B3GALT1: variants seen among roughly 807,000 people sequenced by gnomAD.
The protein encoded by B3GALT1 is UDP-Gal:betaGlcNAc beta 1,3-galactosyltransferase, polypeptide 1.
A neutral mutation model predicts 23.2 loss-of-function variants in B3GALT1; 10 were observed. The ratio of observed to expected loss-of-function variants is 0.43; its 90% CI spans 0.27 to 0.73. B3GALT1 has a LOEUF of 0.73. Among genes scored for constraint, B3GALT1 ranks in the 30% least tolerant of loss-of-function variants. B3GALT1 has a pLI of 0.21. For synonymous variants in B3GALT1, 156 were observed against 141.5 expected, an observed-to-expected ratio of 1.10 and a Z score of -0.73; for missense variants, 299 against 405.4, an observed-to-expected ratio of 0.74 and a Z score of 2.25.
intron 1 of B3GALT1, among the ~76,000 whole-genome samples, chr2:167,427,063 CATT>C (rs1295254610): frequency 2.0e-5 from 3 of 152,118 alleles, no homozygotes; most frequent in South Asian, 2.1e-4. Flanking sequence ...ACTTTTCAGA[CATT>C]ATATTGAGCA....
chr2:167,601,881 T>C (rs192517908), intron 2 of B3GALT1, among the ~76,000 whole-genome samples: 4 of 152,356 alleles, frequency 2.6e-5, no homozygotes, highest in Non-Finnish European at 5.9e-5. Context: ...CATAAAAACC[T>C]CAAATATCTG....
At chr2:167,626,785 A>G (rs566256814) in intron 2 of B3GALT1, among the ~76,000 whole-genome samples, 92 of 151,918 alleles carry the variant, frequency 6.1e-4, no homozygotes, top group African/African-American at 2.1e-3. Context: ...TTTCACAACC[A>G]AATACATATA....
At chr2:167,517,155 TCTC>T (rs1180586924) in intron 2 of B3GALT1, among the ~76,000 whole-genome samples, 1 of 151,924 alleles carries the variant, frequency 6.6e-6, no homozygotes, top group Non-Finnish European at 1.5e-5. Flanking sequence ...ACAAGCAGAC[TCTC>T]CTCAGTTGAA....
rs768740407 is a variant in B3GALT1 at position 167,416,512 on chromosome 2, A to G, written c.-510-73665A>G. 6.6e-5 allele frequency among the ~76,000 whole-genome samples: 10 copies of G among 152,358 alleles called. No individual in the cohort carries two copies. The East Asian group carries it at 7.7e-4, about 12-fold the overall frequency. ...ACTTGTCACAGGGGCAAGGCCCCCA[A>G]TAAAGGGCTCCAACTAGAGCAATGC... On this transcript the variant is annotated intron_variant, in intron 1 of 4. Coordinates refer to ENST00000392690, the MANE Select transcript of B3GALT1 (RefSeq NM_020981.4).
intron 3 of B3GALT1, among the ~76,000 whole-genome samples, chr2:167,767,176 A>G (rs1251166745): frequency 1.3e-5 from 2 of 152,198 alleles, no homozygotes; most frequent in African/African-American, 4.8e-5. Flanking sequence ...TTCTGCCAGA[A>G]TTATGTAAGC....
chr2:167,312,513 A>G (rs1028772317), intron 1 of B3GALT1, among the ~76,000 whole-genome samples: 2 of 152,048 alleles, frequency 1.3e-5, no homozygotes, highest in Non-Finnish European at 2.9e-5. Flanking sequence ...ACTCAGTCTA[A>G]AAGAGAACAA....
At chr2:167,486,357 CA>C (rs56092916) in intron 1 of B3GALT1, among the ~76,000 whole-genome samples, 1,478 of 113,344 alleles carry the variant, frequency 0.013, 24 homozygotes, top group African/African-American at 0.041. Flanking sequence ...GACTCTGTCT[CA>C]AAAAAAAAAA....
chr2:167,313,116 A>C (rs2105487544), intron 1 of B3GALT1, among the ~76,000 whole-genome samples: 1 of 152,238 alleles, frequency 6.6e-6, no homozygotes, highest in Non-Finnish European at 1.5e-5. Context: ...AATTTGCCAG[A>C]TGCTACAACA....
intron 4 of B3GALT1, among the ~76,000 whole-genome samples, chr2:167,821,008 A>C (rs1286956869): frequency 2.6e-5 from 4 of 152,196 alleles, no homozygotes; most frequent in Admixed American, 1.3e-4. Context: ...GTTTTTATCA[A>C]GAACTTTGCA....
At chr2:167,546,856 C>T (rs1352479237) in intron 2 of B3GALT1, among the ~76,000 whole-genome samples, 2 of 152,158 alleles carry the variant, frequency 1.3e-5, no homozygotes, top group African/African-American at 2.4e-5. Context: ...ATGCTTAGCA[C>T]CAGAAAACAA....
rs192624612 is a variant in B3GALT1, at chr2:167,500,420, A to G, written c.-410+10143A>G. Among the ~76,000 whole-genome samples the G allele has an allele frequency of 3.8e-3, 573 of 152,290 alleles. 2 individuals carry two copies. The highest frequency in any genetic ancestry group is 6.3e-3 in the Non-Finnish European group (427 of 68,016). On this transcript the variant is annotated intron_variant, in intron 2 of 4. Coordinates refer to ENST00000392690, the MANE Select transcript of B3GALT1 (RefSeq NM_020981.4). Reference sequence around the variant, plus strand: ...ATATCACCACTTTAAATGATAACTAATGAGAAAAAAAATTGTGTGGGGGTG... The same window carrying G: ...ATATCACCACTTTAAATGATAACTAGTGAGAAAAAAAATTGTGTGGGGGTG...
At chr2:167,800,925 T>C (rs1574268913) in intron 3 of B3GALT1, among the ~76,000 whole-genome samples, 4 of 152,316 alleles carry the variant, frequency 2.6e-5, no homozygotes, top group Admixed American at 2.6e-4. Flanking sequence ...GGAGACAGTG[T>C]CTAAACACCC....
intron 1 of B3GALT1, among the ~76,000 whole-genome samples, chr2:167,395,596 G>A (rs1031776349): frequency 6.6e-6 from 1 of 152,038 alleles, no homozygotes; most frequent in Non-Finnish European, 1.5e-5. Context: ...AGAATTCTAA[G>A]ATAATAAATT....
chr2:167,364,326 A>T (rs974386133), intron 1 of B3GALT1, among the ~76,000 whole-genome samples: 3 of 48,118 alleles, frequency 6.2e-5, no homozygotes, highest in Admixed American at 3.5e-4. Flanking sequence ...TACTGTTTTC[A>T]TATATATATA....
intron 3 of B3GALT1, among the ~76,000 whole-genome samples, chr2:167,814,396 G>A (rs899991590): frequency 6.6e-6 from 1 of 152,210 alleles, no homozygotes; most frequent in Non-Finnish European, 1.5e-5. Flanking sequence ...GCTTGGCCTA[G>A]AGAAGCTATA....
intron 3 of B3GALT1, among the ~76,000 whole-genome samples, chr2:167,722,334 A>T (rs893149740): frequency 6.6e-6 from 1 of 152,216 alleles, no homozygotes; most frequent in African/African-American, 2.4e-5. Context: ...ATTACAAATT[A>T]TATAAACAAT....
chr2:167,709,530 A>T (rs148472153), intron 3 of B3GALT1, among the ~76,000 whole-genome samples: 1 of 152,306 alleles, frequency 6.6e-6, no homozygotes, highest in Non-Finnish European at 1.5e-5. Context: ...GTTTGGGAAG[A>T]TGTACTAAGC....
At chr2:167,367,713 G>C (rs1410566410) in intron 1 of B3GALT1, among the ~76,000 whole-genome samples, 1 of 152,050 alleles carries the variant, frequency 6.6e-6, no homozygotes, top group East Asian at 1.9e-4. Flanking sequence ...GAAGGAATTT[G>C]ATCAAAAATT....
chr2:167,630,022 CATACAT>C (rs1311119083), intron 2 of B3GALT1, among the ~76,000 whole-genome samples: 1 of 151,718 alleles, frequency 6.6e-6, no homozygotes, highest in African/African-American at 2.4e-5. Flanking sequence ...CTATATGTGA[CATACAT>C]AGAAAGAACA....
Sources: gnomAD v4.1 joint callset for allele counts (sites outside exome capture counted in the v4.1 genomes callset) on GRCh38, gnomAD v4.1.1 for gene constraint, MANE v1.5 for transcripts, NCBI Gene and HGNC (gene_info 2026-07-23, HGNC 2026-07-21) for gene names.